Variants in FAM241A observed in about 807,000 individuals in gnomAD.
The protein encoded by FAM241A is uncharacterized protein FAM241A.
FAM241A carries 7 observed loss-of-function variants against 12.2 expected under a neutral mutation model. The ratio of observed to expected loss-of-function variants is 0.58; its 90% CI spans 0.33 to 1.08. The LOEUF (loss-of-function observed/expected upper bound fraction) is 1.08, where lower values mean the gene tolerates loss of function less well. Ranked by LOEUF, FAM241A falls within the 50% of genes least tolerant of loss-of-function variation. The pLI is 0.04. For missense variants in FAM241A, 161 were observed against 169.7 expected (o/e 0.95, Z 0.29); for synonymous variants, 74 against 68.2 (o/e 1.08, Z -0.42).
chr4:112,146,577 C>T (rs149940500), intron 1 of FAM241A, among the ~76,000 whole-genome samples: 1 of 152,342 alleles, frequency 6.6e-6, no homozygotes, highest in East Asian at 1.9e-4. Flanking sequence ...GTAAGCCGCT[C>T]TTTAGACTCA....
At chr4:112,176,983 A>G (rs1269958607) in intron 1 of FAM241A, among the ~76,000 whole-genome samples, 2 of 152,124 alleles carry the variant, frequency 1.3e-5, no homozygotes, top group East Asian at 3.8e-4. Flanking sequence ...GGGTTTGCTT[A>G]TTGTTTGTTG....
At chr4:112,164,080 C>A (rs1723540193) in intron 1 of FAM241A, among the ~76,000 whole-genome samples, 1 of 143,978 alleles carries the variant, frequency 6.9e-6, no homozygotes, top group South Asian at 2.2e-4. Flanking sequence ...CCCTTGGACA[C>A]AGGGTGGGGA....
rs1560587262 is a variant in FAM241A, at chr4:112,187,727, A to G, written c.*789A>G. On this transcript the variant is annotated 3_prime_UTR_variant, in exon 2 of 2. Transcript: ENST00000309733. ...GTAATGCCATATTTTCTTGTATCTA[A>G]CAAGTTGCATATTTTTTCCTAGAGA... 1 of 152,396 alleles carries G rather than the reference A, an allele frequency of 6.6e-6. No individual in the cohort carries two copies. Among genetic ancestry groups the G allele is most frequent in the Non-Finnish European group, 1.5e-5 (1 of 67,940 alleles). 9.4% of individuals were successfully genotyped at this position (152,396 alleles called of 1,614,324 possible).
At chr4:112,179,669 G>A (rs1214069632) in intron 1 of FAM241A, among the ~76,000 whole-genome samples, 1 of 151,200 alleles carries the variant, frequency 6.6e-6, no homozygotes, top group Non-Finnish European at 1.5e-5. Flanking sequence ...TAACAAACCT[G>A]CACGTTGTGC....
chr4:112,173,865 G>A (rs1487624131), intron 1 of FAM241A, among the ~76,000 whole-genome samples: 4 of 152,142 alleles, frequency 2.6e-5, no homozygotes, highest in African/African-American at 7.2e-5. Context: ...GAACAATGAG[G>A]TAAGGAATTC....
rs1437300132 is a variant in FAM241A at position 112,188,924 on chromosome 4, C to CAT, written c.*1991_*1992dup. ...AGATATTTTGCTGTTATTCTTTCTA[C>CAT]ATATATTATTGGTCAGTACATCAAA... On this transcript the variant is annotated 3_prime_UTR_variant, in exon 2 of 2. Coordinates refer to ENST00000309733, the MANE Select transcript of FAM241A (RefSeq NM_152400.3). 2.0e-5 allele frequency: 3 copies of CAT among 152,002 alleles called. No homozygotes were observed. The highest frequency in any genetic ancestry group is 4.4e-5 in the Non-Finnish European group (3 of 67,980). The allele number at this position is 152,002 out of a possible 1,614,324, so 9.4% of individuals were successfully genotyped here. A position where few individuals can be genotyped will look rare whatever the true frequency, so the allele number is the denominator to read the frequency against.
chr4:112,147,956 A>C (rs1297889115), intron 1 of FAM241A, among the ~76,000 whole-genome samples: 1 of 152,054 alleles, frequency 6.6e-6, no homozygotes, highest in Non-Finnish European at 1.5e-5. Flanking sequence ...TTGAGAGGAA[A>C]TTAGAGGCAG....
At chr4:112,155,571 A>G (rs927682409) in intron 1 of FAM241A, among the ~76,000 whole-genome samples, 11 of 151,814 alleles carry the variant, frequency 7.2e-5, no homozygotes, top group African/African-American at 2.2e-4. Flanking sequence ...GAAGCCTTAT[A>G]TAGGTAGTAC....
intron 1 of FAM241A, among the ~76,000 whole-genome samples, chr4:112,186,000 T>C (rs1241059320): frequency 6.6e-6 from 1 of 152,144 alleles, no homozygotes; most frequent in African/African-American, 2.4e-5. Context: ...AAAGAGTGGG[T>C]TTGAAGCCAA....
Position 112,151,363 on chromosome 4 carries a change from G to A in FAM241A, c.153+5630G>A, listed in dbSNP as rs1311407417. 4.6e-5 allele frequency among the ~76,000 whole-genome samples: 7 copies of A among 152,054 alleles called. No homozygotes were observed. The South Asian group carries it at 8.3e-4, about 18-fold the overall frequency. ...GAAGGAGATGCCAGCACTATGTTTC[G>A]TGTACAGCCTGCAGAACCATGAGCC... On this transcript the variant is annotated intron_variant, in intron 1 of 1. Coordinates refer to ENST00000309733, the MANE Select transcript of FAM241A (RefSeq NM_152400.3).
At chr4:112,156,115 A>G (rs1025916395) in intron 1 of FAM241A, among the ~76,000 whole-genome samples, 1 of 152,206 alleles carries the variant, frequency 6.6e-6, no homozygotes, top group Non-Finnish European at 1.5e-5. Context: ...TGCATCACAC[A>G]TAGTATGAGT....
chr4:112,157,960 C>T (rs1284443705), intron 1 of FAM241A, among the ~76,000 whole-genome samples: 1 of 151,984 alleles, frequency 6.6e-6, no homozygotes, highest in Non-Finnish European at 1.5e-5. Context: ...TAAAGAAGGG[C>T]AAGAACGAAG....
At chr4:112,149,540 C>G (rs1026267572) in intron 1 of FAM241A, among the ~76,000 whole-genome samples, 1 of 152,138 alleles carries the variant, frequency 6.6e-6, no homozygotes. Flanking sequence ...GGTATAGATT[C>G]CTAGAAGTAG....
intron 1 of FAM241A, among the ~76,000 whole-genome samples, chr4:112,178,107 C>G (rs1723859372): frequency 6.6e-6 from 1 of 152,052 alleles, no homozygotes; most frequent in Non-Finnish European, 1.5e-5. Flanking sequence ...GGGTTCAAAG[C>G]TAGTGACAGA....
chr4:112,153,334 G>A (rs1417088569), intron 1 of FAM241A, among the ~76,000 whole-genome samples: 6 of 152,116 alleles, frequency 3.9e-5, no homozygotes, highest in African/African-American at 1.4e-4. Flanking sequence ...AAAACTCAAA[G>A]TACCATGACA....
At chr4:112,174,527 G>A (rs573076442) in intron 1 of FAM241A, among the ~76,000 whole-genome samples, 6 of 152,196 alleles carry the variant, frequency 3.9e-5, no homozygotes, top group Non-Finnish European at 7.3e-5. Context: ...AAGCAATACA[G>A]ATCTTGGTGA....
chr4:112,182,422 C>A (rs1325627220), intron 1 of FAM241A, among the ~76,000 whole-genome samples: 1 of 151,926 alleles, frequency 6.6e-6, no homozygotes, highest in African/African-American at 2.4e-5. Context: ...ATAGTCCTTT[C>A]TTAATACAAT....
At chr4:112,151,046 T>C (rs1351003945) in intron 1 of FAM241A, among the ~76,000 whole-genome samples, 2 of 152,234 alleles carry the variant, frequency 1.3e-5, no homozygotes, top group Non-Finnish European at 2.9e-5. Context: ...TAATATAGTT[T>C]GGGCGTTTGT....
At chr4:112,181,719 C>T (rs376721904) in intron 1 of FAM241A, among the ~76,000 whole-genome samples, 6 of 152,254 alleles carry the variant, frequency 3.9e-5, no homozygotes, top group South Asian at 2.1e-4. Flanking sequence ...GAAAAGAGCA[C>T]GTGCAAATCC....
Sources: allele counts gnomAD v4.1 joint callset (sites outside exome capture counted in the v4.1 genomes callset), GRCh38; gene constraint gnomAD v4.1.1; transcripts MANE v1.5; gene names NCBI Gene and HGNC (gene_info 2026-07-23, HGNC 2026-07-21).